The following HACL1 variants were observed in gnomAD, a reference collection of about 807,000 sequenced individuals.
HACL1 encodes 1600020H07Rik.
Under a neutral mutation model 74.2 loss-of-function variants are expected in HACL1, and 64 were observed. The ratio of observed to expected loss-of-function variants is 0.86; its 90% confidence interval spans 0.70 to 1.06. The LOEUF (loss-of-function observed/expected upper bound fraction) is 1.06. Among genes scored for constraint, HACL1 ranks in the 50% least tolerant of loss-of-function variants. The pLI, the probability that HACL1 is intolerant of heterozygous loss-of-function variation, is 0.00. For missense variants in HACL1, 728 were observed against 719.7 expected, an observed-to-expected ratio of 1.01 and a Z score of -0.13; for synonymous variants, 230 against 238.8, an observed-to-expected ratio of 0.96 and a Z score of 0.34.
chr3:15,586,913 G>A (rs2063805383), intron 5 of HACL1, among the ~76,000 whole-genome samples: 2 of 152,114 alleles, frequency 1.3e-5, no homozygotes, highest in Non-Finnish European at 2.9e-5. Flanking sequence ...AAATGGGAAA[G>A]GAAGTTAAAA....
chr3:15,562,744 C>T (rs1022626917), intron 16 of HACL1, among the ~76,000 whole-genome samples: 2 of 152,194 alleles, frequency 1.3e-5, no homozygotes, highest in East Asian at 1.9e-4. Flanking sequence ...TTGTCATTTA[C>T]TTTACTGCTG....
At position 15,574,961 on chromosome 3, in the gene HACL1, C is replaced by T. The variant is rs759404830; in HGVS notation, c.909+16G>A. ...ACATAGACATTTCTGATTTTAAGTTCCTCCTCTCTAAGTACCTGGATAAAC... is the reference window on the plus strand; with the variant it reads ...ACATAGACATTTCTGATTTTAAGTTTCTCCTCTCTAAGTACCTGGATAAAC... On this transcript the variant is annotated intron_variant, in intron 10 of 16. Transcript: ENST00000321169. 5.3e-6 allele frequency: 6 copies of T among 1,136,892 alleles called. No homozygotes were observed. In the Admixed American group the frequency reaches 8.6e-5, roughly 16 times the overall value. The allele number at this position is 1,136,892 out of a possible 1,614,324, so 70.4% of individuals were successfully genotyped here. A position where few individuals can be genotyped will look rare whatever the true frequency, so the allele number is the denominator to read the frequency against.
rs1409401384 is a variant in HACL1 at position 15,567,876 on chromosome 3, C to A, written c.1377G>T (p.Gly459=). The A allele has an allele frequency of 1.1e-5, 17 of 1,614,126 alleles. No individual in the cohort carries two copies. Among genetic ancestry groups the A allele is most frequent in the Non-Finnish European group, 1.4e-5 (17 of 1,179,956 alleles). ...IICVEGDSAF[G]FSGMEVETIC... ...TGGTTTCTACCTCCATGCCAGAAAA[C>A]CCAAATGCACTGTCTCCTTCCACAC... Residue 459 remains glycine, a synonymous_variant, in exon 14 of 17, where the codon GGG becomes GGT. Coordinates refer to ENST00000321169, the MANE Select transcript of HACL1 (RefSeq NM_012260.4).
At chr3:15,579,801 A>C (rs2063690473) in intron 9 of HACL1, 109 bp downstream of exon 9, 1 of 793,044 alleles carries the variant, frequency 1.3e-6, no homozygotes, top group African/African-American at 1.8e-5. Flanking sequence ...GGTATGCTTA[A>C]AATTCCATGA....
intron 16 of HACL1, among the ~76,000 whole-genome samples, chr3:15,563,020 C>T (rs1279991502): frequency 1.3e-5 from 2 of 152,068 alleles, no homozygotes; most frequent in African/African-American, 2.4e-5. Flanking sequence ...CTTTGTGGTA[C>T]GTTTGCTCAG....
At chr3:15,596,470 A>T (rs374919402) in intron 2 of HACL1, 46 bp from the exon 3 acceptor site, 1 of 1,211,390 alleles carries the variant, frequency 8.3e-7, no homozygotes, top group African/African-American at 1.5e-5. Context: ...GGATCCTTAT[A>T]GTACATTTAT....
At chr3:15,592,104 T>A (rs1229595775) in intron 3 of HACL1, among the ~76,000 whole-genome samples, 1 of 144,678 alleles carries the variant, frequency 6.9e-6, no homozygotes, top group African/African-American at 2.6e-5. Flanking sequence ...ACTATATACG[T>A]ATATATACAC....
chr3:15,601,330 C>T, intron 1 of HACL1, 53 bp downstream of exon 1: 1 of 1,609,432 alleles, frequency 6.2e-7, no homozygotes. Context: ...GACAACATCG[C>T]GGTCCCCGCC....
intron 1 of HACL1, 75 bp from the exon 2 acceptor site, chr3:15,601,269 G>A: frequency 3.2e-6 from 5 of 1,552,080 alleles, no homozygotes; most frequent in Non-Finnish European, 4.4e-6. Flanking sequence ...CCTCCCGGGC[G>A]CTAAAAGGAA....
intron 8 of HACL1, among the ~76,000 whole-genome samples, chr3:15,582,553 T>C (rs78601558): frequency 0.024 from 3,610 of 152,278 alleles, 224 homozygotes; most frequent in Admixed American, 0.12. Context: ...TAAAAAGGAA[T>C]AGAAATGTAC....
intron 11 of HACL1, 93 bp downstream of exon 11, chr3:15,573,066 G>A (rs546289191): frequency 4.5e-5 from 34 of 749,652 alleles, no homozygotes; most frequent in South Asian, 4.3e-4. Context: ...ATGAATAGTA[G>A]ACCCGTTACC....
intron 7 of HACL1, among the ~76,000 whole-genome samples, chr3:15,584,355 C>G (rs926652762): frequency 6.6e-6 from 1 of 152,006 alleles, no homozygotes; most frequent in African/African-American, 2.4e-5. Flanking sequence ...TTTGTGAGGC[C>G]GAGGTTGGTG....
intron 13 of HACL1, 93 bp from the exon 14 acceptor site, chr3:15,568,095 T>C (rs1029589808): frequency 3.9e-6 from 4 of 1,027,032 alleles, no homozygotes; most frequent in Admixed American, 4.4e-5. Context: ...ACATGGTTGA[T>C]GGAAAAATGA....
intron 9 of HACL1, among the ~76,000 whole-genome samples, chr3:15,578,378 T>C (rs755845531): frequency 6.6e-6 from 1 of 152,130 alleles, no homozygotes; most frequent in Non-Finnish European, 1.5e-5. Flanking sequence ...TTAAAAAGCA[T>C]GCCTTAAAAA....
chr3:15,578,894 T>C (rs2063672414), intron 9 of HACL1, among the ~76,000 whole-genome samples: 1 of 152,114 alleles, frequency 6.6e-6, no homozygotes, highest in African/African-American at 2.4e-5. Context: ...CAACTGAGAA[T>C]GGGAGAGTGG....
At chr3:15,573,137 A>G in intron 11 of HACL1, 22 bp downstream of exon 11, 3 of 1,391,314 alleles carry the variant, frequency 2.2e-6, no homozygotes, top group Non-Finnish European at 3.1e-6. Flanking sequence ...CACTCCACAT[A>G]AACTAAAACA....
chr3:15,584,013 A>G (rs2063753518), intron 7 of HACL1, among the ~76,000 whole-genome samples: 1 of 152,162 alleles, frequency 6.6e-6, no homozygotes, highest in African/African-American at 2.4e-5. Flanking sequence ...ATGCATTAGT[A>G]AAAGAAATAT....
At chr3:15,576,175 A>G (rs1482015074) in intron 9 of HACL1, among the ~76,000 whole-genome samples, 2 of 149,090 alleles carry the variant, frequency 1.3e-5, no homozygotes, top group Non-Finnish European at 3.0e-5. Context: ...AAAAAAAAAA[A>G]AAGGTTTCCT....
rs767283503 is a variant in HACL1 at position 15,575,095 on chromosome 3, T to C, written c.804-13A>G. 6.2e-6 allele frequency: 8 copies of C among 1,281,682 alleles called. No homozygotes were observed. The highest frequency in any genetic ancestry group is 4.9e-5 in the South Asian group (4 of 82,128). The allele number at this position is 1,281,682 out of a possible 1,614,324, so 79.4% of individuals were successfully genotyped here. ...AAATTGCAAAGCCCTATTAAAAAAA[T>C]TGATATGAAAGTATAACTACATTTC... On this transcript the variant is annotated splice_polypyrimidine_tract_variant and intron_variant, in intron 9 of 16. Transcript: ENST00000321169.
Sources: allele counts gnomAD v4.1 joint callset (sites outside exome capture counted in the v4.1 genomes callset), GRCh38; gene constraint gnomAD v4.1.1; transcripts MANE v1.5; gene names NCBI Gene and HGNC (gene_info 2026-07-23, HGNC 2026-07-21).